RBFOX1: variants seen among roughly 807,000 people sequenced by gnomAD.
RBFOX1 encodes the protein RNA binding protein fox-1 homolog 1.
RBFOX1 carries 8 observed loss-of-function variants against 57.7 expected under a neutral mutation model. The observed-to-expected ratio is 0.14, with a 90% CI of 0.08 to 0.25. RBFOX1 has a LOEUF of 0.25. Ranked by LOEUF, RBFOX1 falls within the 10% of genes least tolerant of loss-of-function variation. The probability of loss-of-function intolerance (pLI) is 1.00; values close to 1 mark genes in which losing one functional copy is unlikely to be tolerated. For synonymous variants in RBFOX1, 326 were observed against 222.4 expected, an observed-to-expected ratio of 1.47 and a Z score of -4.15; for missense variants, 611 against 548.5, an observed-to-expected ratio of 1.11 and a Z score of -1.14.
intron 4 of RBFOX1, among the ~76,000 whole-genome samples, chr16:7,306,633 A>C (rs2096195064): frequency 2.6e-5 from 4 of 151,752 alleles, no homozygotes; most frequent in Admixed American, 2.6e-4. Context: ...TGAATACCTG[A>C]AGTATAATAA....
At chr16:6,715,373 T>C (rs1162586639) in intron 3 of RBFOX1, among the ~76,000 whole-genome samples, 1 of 152,118 alleles carries the variant, frequency 6.6e-6, no homozygotes, top group Non-Finnish European at 1.5e-5. Context: ...TGATTTTGAA[T>C]GCTGCAGCTT....
At chr16:6,914,481 A>G (rs2072580172) in intron 3 of RBFOX1, among the ~76,000 whole-genome samples, 1 of 151,852 alleles carries the variant, frequency 6.6e-6, no homozygotes, top group South Asian at 2.1e-4. Flanking sequence ...TAGGTGTCTC[A>G]CCTCCACCTC....
chr16:7,432,469 G>A (rs2098689748), intron 4 of RBFOX1, among the ~76,000 whole-genome samples: 1 of 152,150 alleles, frequency 6.6e-6, no homozygotes, highest in African/African-American at 2.4e-5. Flanking sequence ...CACTCAGGTT[G>A]CATTGCACCT....
At chr16:7,453,411 C>A (rs746277081) in intron 4 of RBFOX1, among the ~76,000 whole-genome samples, 59 of 152,116 alleles carry the variant, frequency 3.9e-4, no homozygotes, top group Non-Finnish European at 7.2e-4. Context: ...TAGGCAGGAG[C>A]CTACATGGTC....
chr16:6,780,005 AT>A lies in RBFOX1; in HGVS notation c.-16+125358del, dbSNP rs1567211289. 6.8e-5 allele frequency among the ~76,000 whole-genome samples: 4 copies of A among 58,596 alleles called. 1 individual carries two copies. Among genetic ancestry groups the A allele is most frequent in the Admixed American group, 6.6e-4 (2 of 3,018 alleles). The allele number at this position is 58,596 out of a possible 152,430, so 38.4% of individuals were successfully genotyped here. A position where few individuals can be genotyped will look rare whatever the true frequency, so the allele number is the denominator to read the frequency against. The stretch of plus-strand genomic sequence containing the variant: ...TTTATATATTTATATATTTATATAT[AT>A]TTATATATATTTATATATTTATATA... On this transcript the variant is annotated intron_variant, in intron 3 of 15. Transcript: ENST00000550418.
intron 1 of RBFOX1, among the ~76,000 whole-genome samples, chr16:5,399,012 G>A (rs1406814976): frequency 1.3e-5 from 2 of 152,330 alleles, no homozygotes; most frequent in East Asian, 1.9e-4. Flanking sequence ...GAGGGCCGCA[G>A]TGACAGCAGC....
At chr16:5,562,890 G>A (rs1454236516) in intron 2 of RBFOX1, among the ~76,000 whole-genome samples, 7 of 152,068 alleles carry the variant, frequency 4.6e-5, no homozygotes, top group Admixed American at 2.6e-4. Context: ...TCATACTGCC[G>A]CTGTCTCAGG....
chr16:5,500,708 C>T (rs2043165170), intron 2 of RBFOX1, among the ~76,000 whole-genome samples: 1 of 152,178 alleles, frequency 6.6e-6, no homozygotes, highest in Non-Finnish European at 1.5e-5. Context: ...GATATGGTCC[C>T]GTTGGCAAAG....
At chr16:7,537,434 A>C (rs768588807) in intron 5 of RBFOX1, among the ~76,000 whole-genome samples, 2 of 152,188 alleles carry the variant, frequency 1.3e-5, no homozygotes, top group Non-Finnish European at 2.9e-5. Flanking sequence ...TGGTCAGTTG[A>C]TGTGACTCAG....
intron 1 of RBFOX1, among the ~76,000 whole-genome samples, chr16:6,067,572 G>C (rs1431162003): frequency 1.3e-5 from 2 of 152,178 alleles, no homozygotes; most frequent in Non-Finnish European, 2.9e-5. Flanking sequence ...TATGTTGGGA[G>C]AGAGAGATTT....
chr16:6,524,228 T>G (rs2096548147), intron 2 of RBFOX1, among the ~76,000 whole-genome samples: 1 of 152,202 alleles, frequency 6.6e-6, no homozygotes, highest in Non-Finnish European at 1.5e-5. Context: ...TCCCACAGAT[T>G]AGTGAGAATA....
intron 4 of RBFOX1, among the ~76,000 whole-genome samples, chr16:7,415,788 A>G (rs199554594): frequency 1.6e-5 from 1 of 63,808 alleles, no homozygotes; most frequent in South Asian, 4.6e-4. Flanking sequence ...AAATAAGAGT[A>G]TATATATATC....
intron 3 of RBFOX1, among the ~76,000 whole-genome samples, chr16:6,859,130 C>CATATATATACGTATATATATATGT (rs2058473136): frequency 6.1e-5 from 5 of 82,482 alleles, no homozygotes; most frequent in South Asian, 4.2e-4. Context: ...TATATATATA[C>CATATATATACGTATATATATATGT]ATATATATAC....
chr16:7,036,921 T>C (rs2044644834), intron 3 of RBFOX1, among the ~76,000 whole-genome samples: 1 of 152,192 alleles, frequency 6.6e-6, no homozygotes, highest in Non-Finnish European at 1.5e-5. Flanking sequence ...TATTTCTTGA[T>C]GACATGCTAA....
At chr16:6,607,648 TTC>T in intron 2 of RBFOX1, among the ~76,000 whole-genome samples, 1 of 152,000 alleles carries the variant, frequency 6.6e-6, no homozygotes, top group Non-Finnish European at 1.5e-5. Context: ...TCCTCTCTCT[TTC>T]TGTCTTCTTC....
intron 2 of RBFOX1, among the ~76,000 whole-genome samples, chr16:6,486,285 C>G (rs1233594685): frequency 6.6e-6 from 1 of 151,834 alleles, no homozygotes; most frequent in African/African-American, 2.4e-5. Context: ...TTGAGCTAAA[C>G]AAATATTACA....
intron 4 of RBFOX1, among the ~76,000 whole-genome samples, chr16:7,430,475 C>G (rs1048406068): frequency 6.6e-5 from 10 of 152,020 alleles, no homozygotes; most frequent in Non-Finnish European, 1.3e-4. Context: ...TCCTGGCTAA[C>G]AAGGTGAAAC....
intron 4 of RBFOX1, among the ~76,000 whole-genome samples, chr16:7,245,791 C>T (rs999232957): frequency 8.5e-5 from 13 of 152,298 alleles, no homozygotes; most frequent in African/African-American, 3.1e-4. Context: ...ATCAGTCTTG[C>T]ATAGTGCTTT....
chr16:6,277,540 G>C (rs942789263), intron 1 of RBFOX1, among the ~76,000 whole-genome samples: 9 of 151,184 alleles, frequency 6.0e-5, no homozygotes, highest in African/African-American at 1.7e-4. Context: ...GAGAGGCTAA[G>C]GCAGAAGGAT....
Sources: gnomAD v4.1 joint callset for allele counts (sites outside exome capture counted in the v4.1 genomes callset) on GRCh38, gnomAD v4.1.1 for gene constraint, MANE v1.5 for transcripts, NCBI Gene and HGNC (gene_info 2026-07-23, HGNC 2026-07-21) for gene names.